Variants in PDE1A observed in about 807,000 individuals in gnomAD.
The protein encoded by PDE1A is dual specificity calcium/calmodulin-dependent 3',5'-cyclic nucleotide phosphodiesterase 1A.
PDE1A carries 35 observed loss-of-function variants against 61.7 expected under a neutral mutation model. The observed-to-expected ratio is 0.57, with a 90% CI of 0.43 to 0.75. The LOEUF (loss-of-function observed/expected upper bound fraction) is 0.75. Ranked by LOEUF, PDE1A falls within the 30% of genes least tolerant of loss-of-function variation. The probability of loss-of-function intolerance (pLI) is 0.00; values close to 1 mark genes in which losing one functional copy is unlikely to be tolerated. For missense variants in PDE1A, 597 were observed against 630.6 expected, an observed-to-expected ratio of 0.95 and a Z score of 0.57; for synonymous variants, 232 against 213.2, an observed-to-expected ratio of 1.09 and a Z score of -0.77.
rs571025988 is a variant in PDE1A at position 182,237,113 on chromosome 2, T to C, written c.351-2615A>G. 9.9e-5 allele frequency among the ~76,000 whole-genome samples: 15 copies of C among 152,224 alleles called. 1 individual carries two copies. In the East Asian group the frequency reaches 2.9e-3, roughly 29 times the overall value. On this transcript the variant is annotated intron_variant, in intron 3 of 13. Coordinates refer to ENST00000351439, the Ensembl canonical transcript of PDE1A. ...AGTGAATTTCCTGGGCTCCTAAAGG[T>C]GGTGAAAGTCTAACTGGAAATGTAG...
At chr2:182,386,479 C>T (rs937936367) in intron 1 of PDE1A, among the ~76,000 whole-genome samples, 44 of 150,270 alleles carry the variant, frequency 2.9e-4, no homozygotes, top group African/African-American at 9.4e-4. Flanking sequence ...ATGTGAGGAG[C>T]GCCTCTGCCC....
intron 1 of PDE1A, among the ~76,000 whole-genome samples, chr2:182,306,888 G>C (rs549006726): frequency 1.2e-3 from 179 of 152,134 alleles, no homozygotes; most frequent in Non-Finnish European, 2.2e-3. Context: ...CATGGGTCTG[G>C]GTATTGATTT....
intron 2 of PDE1A, among the ~76,000 whole-genome samples, chr2:182,482,715 A>G (rs2125849949): frequency 6.6e-6 from 1 of 152,078 alleles, no homozygotes; most frequent in South Asian, 2.1e-4. Flanking sequence ...CAACATGGAT[A>G]TTTTACAATA....
the PDE1A span, among the ~76,000 whole-genome samples, chr2:182,599,349 G>A: frequency 6.6e-6 from 1 of 152,116 alleles, no homozygotes; most frequent in Non-Finnish European, 1.5e-5. Flanking sequence ...CCTTAGGGTA[G>A]TCTTTTTCTT....
chr2:182,180,891 T>G (rs1190549717), intron 13 of PDE1A, among the ~76,000 whole-genome samples: 1 of 151,894 alleles, frequency 6.6e-6, no homozygotes, highest in African/African-American at 2.4e-5. Context: ...TATTGATACT[T>G]GTGTATGCTT....
intron 2 of PDE1A, among the ~76,000 whole-genome samples, chr2:182,461,294 TA>T (rs965377865): frequency 5.1e-4 from 78 of 152,094 alleles, no homozygotes; most frequent in East Asian, 2.5e-3. Flanking sequence ...GTACAGCCAT[TA>T]AAAAAAATTT....
chr2:182,262,707 G>A (rs1438571730), intron 2 of PDE1A, among the ~76,000 whole-genome samples: 3 of 152,038 alleles, frequency 2.0e-5, no homozygotes, highest in South Asian at 4.2e-4. Flanking sequence ...AATTCTCATT[G>A]TCAAATATTT....
At chr2:182,463,707 T>G (rs1686462533) in intron 2 of PDE1A, 1 of 152,156 alleles carries the variant, frequency 6.6e-6, no homozygotes, top group Non-Finnish European at 1.5e-5. Context: ...AATTTTATGT[T>G]TTGTTAATAT....
chr2:182,384,491 A>T (rs191538582), intron 1 of PDE1A, among the ~76,000 whole-genome samples: 17 of 133,610 alleles, frequency 1.3e-4, no homozygotes, highest in African/African-American at 4.9e-4. Context: ...ATAATAATAA[A>T]ATAGAAATCC....
intron 1 of PDE1A, among the ~76,000 whole-genome samples, chr2:182,330,864 C>A (rs1697359661): frequency 6.6e-6 from 1 of 152,096 alleles, no homozygotes; most frequent in Non-Finnish European, 1.5e-5. Flanking sequence ...TTACAGCATC[C>A]CTTTCATTTC....
chr2:182,398,136 G>A (rs1456235862), intron 1 of PDE1A, among the ~76,000 whole-genome samples: 1 of 151,852 alleles, frequency 6.6e-6, no homozygotes, highest in East Asian at 1.9e-4. Flanking sequence ...TAAAAAAAAA[G>A]CTTGAGTTGG....
chr2:182,153,841 T>G (rs1177578149), intron 13 of PDE1A, among the ~76,000 whole-genome samples: 1 of 152,126 alleles, frequency 6.6e-6, no homozygotes, highest in Non-Finnish European at 1.5e-5. Context: ...AGTCTGATGT[T>G]GGAGATACTG....
chr2:182,441,626 T>C (rs558369710), intron 2 of PDE1A, among the ~76,000 whole-genome samples: 5 of 152,156 alleles, frequency 3.3e-5, no homozygotes, highest in Admixed American at 6.6e-5. Flanking sequence ...TTGTTTTCTA[T>C]ATAAGGTTCA....
chr2:182,252,671 C>A (rs1208034895), intron 2 of PDE1A, among the ~76,000 whole-genome samples: 2 of 152,134 alleles, frequency 1.3e-5, no homozygotes, highest in Non-Finnish European at 2.9e-5. Flanking sequence ...TGGGAGCATG[C>A]CCCAGATAAG....
intron 13 of PDE1A, among the ~76,000 whole-genome samples, chr2:182,161,577 C>G (rs1428490297): frequency 1.3e-5 from 2 of 152,068 alleles, no homozygotes; most frequent in African/African-American, 4.8e-5. Context: ...GCAGCAGTTG[C>G]CGGGCAAGAC....
the PDE1A span, among the ~76,000 whole-genome samples, chr2:182,665,456 T>C: frequency 3.0e-4 from 45 of 152,048 alleles, no homozygotes; most frequent in African/African-American, 9.9e-4. Context: ...CCAACAACCA[T>C]ATGAAAAAAA....
intron 13 of PDE1A, among the ~76,000 whole-genome samples, chr2:182,155,746 C>G (rs1376708616): frequency 6.6e-6 from 1 of 152,152 alleles, no homozygotes; most frequent in Non-Finnish European, 1.5e-5. Flanking sequence ...AGAAAATTAG[C>G]TGGGTGTTGT....
At chr2:182,534,073 C>A in the PDE1A span, among the ~76,000 whole-genome samples, 1 of 151,922 alleles carries the variant, frequency 6.6e-6, no homozygotes, top group African/African-American at 2.4e-5. Context: ...TCACTCATAA[C>A]CCCTGAGAGG....
At chr2:182,185,995 G>A in exon 13 of PDE1A, 1 of 1,614,020 alleles carries the variant, frequency 6.2e-7, no homozygotes, top group African/African-American at 1.3e-5. Flanking sequence ...AGTAGTCTGG[G>A]GAATAGGACC....
Sources: gnomAD v4.1 joint callset for allele counts (sites outside exome capture counted in the v4.1 genomes callset) on GRCh38, gnomAD v4.1.1 for gene constraint, MANE v1.5 for transcripts, NCBI Gene and HGNC (gene_info 2026-07-23, HGNC 2026-07-21) for gene names.